The following HDAC7 variants were observed in gnomAD, a reference collection of about 807,000 sequenced individuals.
HDAC7 encodes histone deacetylase 7.
A neutral mutation model predicts 115.5 loss-of-function variants in HDAC7; 26 were observed. The ratio of observed to expected loss-of-function variants is 0.23; its 90% CI spans 0.16 to 0.31. HDAC7 has a LOEUF of 0.31. Among genes scored for constraint, HDAC7 ranks in the 10% least tolerant of loss-of-function variants. The probability of loss-of-function intolerance (pLI) is 1.00; values close to 1 mark genes in which losing one functional copy is unlikely to be tolerated. For missense variants in HDAC7, 1,068 were observed against 1,329.0 expected (o/e 0.80, Z 3.05); for synonymous variants, 564 against 550.9 (o/e 1.02, Z -0.33).
intron 24 of HDAC7, chr12:47,784,719 G>T: frequency 6.5e-7 from 1 of 1,535,500 alleles, no homozygotes; most frequent in Non-Finnish European, 8.7e-7. Flanking sequence ...CTCTGCATGG[G>T]TGCCCAGGCC....
chr12:47,786,715 C>A lies in HDAC7; in HGVS notation c.2454-12G>T. The stretch of plus-strand genomic sequence containing the variant: ...GCATCACGACTATCCTGTGAGGTCA[C>A]AAGAAGTGGCGATCATCGTACTGTG... On this transcript the variant is annotated splice_polypyrimidine_tract_variant and intron_variant, in intron 21 of 25. Coordinates refer to ENST00000080059, the MANE Select transcript of HDAC7 (RefSeq NM_015401.5). 1 of 1,603,720 alleles carries A rather than the reference C, an allele frequency of 6.2e-7. No homozygotes were observed. Among genetic ancestry groups the A allele is most frequent in the Non-Finnish European group, 8.5e-7 (1 of 1,170,758 alleles).
Position 47,819,777 on chromosome 12 carries a change from G to A in HDAC7, c.9C>T (p.Ser3=), listed in dbSNP as rs1469344901. The change falls in exon 1 of 26, where the codon AGC becomes AGT. Residue 3 remains serine (S), a synonymous_variant. Coordinates refer to ENST00000080059, the MANE Select transcript of HDAC7 (RefSeq NM_015401.5). ...CCGCCCAGTACTCACCAGCGCCGGGGCTGTGCATCCAGGGGCCGGGGCCCT... is the reference window on the plus strand; with the variant it reads ...CCGCCCAGTACTCACCAGCGCCGGGACTGTGCATCCAGGGGCCGGGGCCCT... MH[S]PGADGTQVSP... 6 of 823,320 alleles carry A rather than the reference G, an allele frequency of 7.3e-6. No individual in the cohort carries two copies. In the South Asian group the frequency reaches 2.7e-4, roughly 37 times the overall value. 51.0% of individuals were successfully genotyped at this position (823,320 alleles called of 1,614,324 possible). A position where few individuals can be genotyped will look rare whatever the true frequency, so the allele number is the denominator to read the frequency against.
In HDAC7 at chr12:47,784,206, C is replaced by T. The variant is rs1943023042; in HGVS notation, c.2803G>A (p.Gly935Ser). The change falls in exon 25 of 26, where the codon GGC (glycine) becomes AGC (serine). Residue 935 changes from glycine (G) to serine (S), a missense_variant. By Grantham distance (56) the Gly-to-Ser change is moderately conservative (BLOSUM62 0). This residue lies in a region of HDAC7 where 98 missense variants were observed against 123.9 expected (regional missense o/e 0.79). Transcript: ENST00000080059. ...AVIRVHSKYWGCMQRLASCPD... is the reference protein window; with the variant it reads ...AVIRVHSKYWSCMQRLASCPD... ...CAGGAGGCCAGGCGCTGCATGCAGC[C>T]CCAGTATTTACCTGGGGTAAGATGC... 6.2e-7 allele frequency: 1 copy of T among 1,611,140 alleles called. No individual in the cohort carries two copies. Among genetic ancestry groups the T allele is most frequent in the East Asian group, 2.2e-5 (1 of 44,792 alleles).
At position 47,803,855 on chromosome 12, in the gene HDAC7, C is replaced by T. The variant is rs997954684; in HGVS notation, c.20-1581G>A. The stretch of plus-strand genomic sequence containing the variant: ...CGACATGGTAACCCCCAATCCCAGG[C>T]CTTCTTAGTACCTCTTCTTTCTTCT... On this transcript the variant is annotated intron_variant, in intron 1 of 25. Transcript: ENST00000080059. This position sits in a 1 kb window ranked among gnomAD's most constrained non-coding sequence, Gnocchi z 4.0. 6.6e-6 allele frequency among the ~76,000 whole-genome samples: 1 copy of T among 152,222 alleles called. No homozygotes were observed. Among genetic ancestry groups the T allele is most frequent in the Admixed American group, 6.5e-5 (1 of 15,284 alleles).
In HDAC7 at chr12:47,788,099, G is replaced by A. The variant is rs767402094; in HGVS notation, c.2301C>T (p.Ser767=). ...FYQDPSVLYI[S]LHRHDDGNFF... ...AGTTGCCGTCGTCATGGCGATGCAGGGAGATGTAGAGCACACTGGGGTCTT... is the reference window on the plus strand; with the variant it reads ...AGTTGCCGTCGTCATGGCGATGCAGAGAGATGTAGAGCACACTGGGGTCTT... Residue 767 remains serine, a synonymous_variant, in exon 20 of 26, where the codon TCC becomes TCT. Coordinates refer to ENST00000080059, the MANE Select transcript of HDAC7 (RefSeq NM_015401.5). The A allele has an allele frequency of 8.1e-6, 13 of 1,613,740 alleles. No individual in the cohort carries two copies. The Admixed American group carries it at 1.3e-4, about 17-fold the overall frequency.
Position 47,794,946 on chromosome 12 carries a change from G to A in HDAC7, c.1285-13C>T, listed in dbSNP as rs760719664. Reference sequence around the variant, plus strand: ...GCTTGGCTGACCTCTGGGGAGGGGAGAACCTGGCTGAGAAGCCATGGTGGA... The same window carrying A: ...GCTTGGCTGACCTCTGGGGAGGGGAAAACCTGGCTGAGAAGCCATGGTGGA... On this transcript the variant is annotated splice_polypyrimidine_tract_variant and intron_variant, in intron 11 of 25. Coordinates refer to ENST00000080059, the MANE Select transcript of HDAC7 (RefSeq NM_015401.5). 4.4e-6 allele frequency: 7 copies of A among 1,604,518 alleles called. No homozygotes were observed. In the East Asian group the frequency reaches 1.3e-4, roughly 31 times the overall value.
intron 14 of HDAC7, 73 bp downstream of exon 14, chr12:47,791,798 A>AC: frequency 3.0e-5 from 25 of 824,166 alleles, no homozygotes; most frequent in African/African-American, 4.0e-5. Context: ...CATGGGCCCC[A>AC]GGGCCCCCCA....
intron 1 of HDAC7, among the ~76,000 whole-genome samples, chr12:47,818,183 C>T (rs1327872234): frequency 6.6e-6 from 1 of 152,156 alleles, no homozygotes; most frequent in Non-Finnish European, 1.5e-5. Flanking sequence ...CACAGAGACA[C>T]CCGCCGAATA....
At chr12:47,811,934 T>A (rs1944686321) in intron 1 of HDAC7, among the ~76,000 whole-genome samples, 1 of 152,256 alleles carries the variant, frequency 6.6e-6, no homozygotes, top group Non-Finnish European at 1.5e-5. Flanking sequence ...AAGAAATGCC[T>A]CATGCCTCTT....
chr12:47,797,333 G>A lies in HDAC7; in HGVS notation c.577+51C>T, dbSNP rs1314132813. On this transcript the variant is annotated intron_variant, in intron 6 of 25. Coordinates refer to ENST00000080059, the MANE Select transcript of HDAC7 (RefSeq NM_015401.5). This position sits in a 1 kb window ranked among gnomAD's most constrained non-coding sequence, Gnocchi z 5.5. Reference sequence around the variant, plus strand: ...CTGCACACTCCTCCCCCATGTCCGAGGCCCTTCCCCCTTCCTTTGCCTGAA... The same window carrying A: ...CTGCACACTCCTCCCCCATGTCCGAAGCCCTTCCCCCTTCCTTTGCCTGAA... 3 of 1,501,420 alleles carry A rather than the reference G, an allele frequency of 2.0e-6. No homozygotes were observed. Among genetic ancestry groups the A allele is most frequent in the Non-Finnish European group, 2.8e-6 (3 of 1,080,236 alleles). 93.0% of individuals were successfully genotyped at this position (1,501,420 alleles called of 1,614,324 possible).
At chr12:47,817,287 C>G (rs1370864740) in intron 1 of HDAC7, among the ~76,000 whole-genome samples, 1 of 152,184 alleles carries the variant, frequency 6.6e-6, no homozygotes, top group African/African-American at 2.4e-5. Context: ...AGCAGAAACT[C>G]TGCCCCTCCG....
chr12:47,812,013 A>G (rs1235837081), intron 1 of HDAC7, among the ~76,000 whole-genome samples: 1 of 152,176 alleles, frequency 6.6e-6, no homozygotes, highest in Non-Finnish European at 1.5e-5. Flanking sequence ...TCTGTTCTTC[A>G]TAAGAGCAAC....
rs568808766 is a variant in HDAC7, at chr12:47,797,032, C to T, written c.688G>A (p.Ala230Thr). 8.8e-5 allele frequency: 139 copies of T among 1,570,728 alleles called. 1 individual carries two copies. The South Asian group carries it at 9.0e-4, about 10-fold the overall frequency. ...CGGCCCTCACCTCCGAGGGTCTCTG[C>T]GGGCCGCCGCCGGAGGCTGGGGGGC... is the stretch of plus-strand genomic sequence containing the variant. ...SAPPSLRRRP[A>T]ETLGDSSPSS... Residue 230 changes from alanine to threonine, a missense_variant, in exon 7 of 26, where the codon GCA (alanine) becomes ACA (threonine). This residue lies in a region of HDAC7 where 618 missense variants were observed against 701.5 expected (regional missense o/e 0.88). Transcript: ENST00000080059. The surrounding 1 kb of genome is among the most constrained non-coding windows in gnomAD (Gnocchi z 5.5).
chr12:47,802,208 C>A lies in HDAC7; in HGVS notation c.70+16G>T, dbSNP rs200715036. The A allele has an allele frequency of 7.4e-6, 12 of 1,611,570 alleles. No individual in the cohort carries two copies. Among genetic ancestry groups the A allele is most frequent in the Middle Eastern group, 1.7e-4 (1 of 6,058 alleles). The stretch of plus-strand genomic sequence containing the variant: ...TTCCACTCCCTACCATGGACTCCCC[C>A]GGGTTTGACTCTTACCTGCGCCAGT... On this transcript the variant is annotated intron_variant, in intron 2 of 25. Coordinates refer to ENST00000080059, the MANE Select transcript of HDAC7 (RefSeq NM_015401.5).
chr12:47,819,742 C>A (rs1439693453), intron 1 of HDAC7, 25 bp downstream of exon 1: 1 of 768,842 alleles, frequency 1.3e-6, no homozygotes, highest in East Asian at 1.2e-4. Flanking sequence ...CAGGGCGGGG[C>A]GGGGGGCGGC....
At position 47,803,338 on chromosome 12, in the gene HDAC7, T is replaced by C. The variant is rs576589351; in HGVS notation, c.20-1064A>G. ...TTTTGAGAAACTGCCGGGGTGCTCC[T>C]TTGGGTCTGTGTCTCAGAGGCAGCC... On this transcript the variant is annotated intron_variant, in intron 1 of 25. Coordinates refer to ENST00000080059, the MANE Select transcript of HDAC7 (RefSeq NM_015401.5). This position sits in a 1 kb window ranked among gnomAD's most constrained non-coding sequence, Gnocchi z 4.0. 4.6e-5 allele frequency among the ~76,000 whole-genome samples: 7 copies of C among 152,288 alleles called. No homozygotes were observed. The highest frequency in any genetic ancestry group is 1.7e-4 in the African/African-American group (7 of 41,550).
intron 1 of HDAC7, among the ~76,000 whole-genome samples, chr12:47,806,204 A>C (rs1944396494): frequency 6.6e-6 from 1 of 152,262 alleles, no homozygotes; most frequent in Non-Finnish European, 1.5e-5. Context: ...AGCCCCTGCC[A>C]CATGAAGTCT....
upstream of HDAC7, among the ~76,000 whole-genome samples, chr12:47,821,304 G>A (rs1311418529): frequency 6.6e-6 from 1 of 152,168 alleles, no homozygotes; most frequent in Non-Finnish European, 1.5e-5. Context: ...CACAGCTCGG[G>A]ACTCACTATC....
Position 47,797,999 on chromosome 12 carries a change from G to C in HDAC7, c.461+109C>G, listed in dbSNP as rs976036053. The stretch of plus-strand genomic sequence containing the variant: ...ATGTTTAGAGGAAGGGTAAGGACTG[G>C]TTGTGGCAACTGGGGAGGAAGGAGG... On this transcript the variant is annotated intron_variant, in intron 5 of 25. Transcript: ENST00000080059. The surrounding 1 kb of genome is among the most constrained non-coding windows in gnomAD (Gnocchi z 5.5). The C allele has an allele frequency of 2.0e-5, 16 of 797,528 alleles. No individual in the cohort carries two copies. Among genetic ancestry groups the C allele is most frequent in the Admixed American group, 1.7e-5 (1 of 57,442 alleles). 49.4% of individuals were successfully genotyped at this position (797,528 alleles called of 1,614,324 possible).
Sources: gnomAD v4.1 joint callset for allele counts (sites outside exome capture counted in the v4.1 genomes callset) on GRCh38, gnomAD v4.1.1 for gene constraint, gnomAD v4.1.1 regional missense constraint, Gnocchi (gnomAD v3.1) non-coding constraint, MANE v1.5 for transcripts, NCBI Gene and HGNC (gene_info 2026-07-23, HGNC 2026-07-21) for gene names.